Variants in TAFA5 observed in about 807,000 individuals in gnomAD.
TAFA5 encodes chemokine-like protein TAFA-5.
TAFA5 carries 6 observed loss-of-function variants against 15.3 expected under a neutral mutation model. The observed-to-expected ratio is 0.39, with a 90% CI of 0.21 to 0.77. The LOEUF (loss-of-function observed/expected upper bound fraction) is 0.77. TAFA5 is among the 30% of genes least tolerant of loss of function. The pLI is 0.41. For missense variants in TAFA5, 161 were observed against 193.1 expected (o/e 0.83, Z 0.98); for synonymous variants, 103 against 80.7 (o/e 1.28, Z -1.48).
intron 1 of TAFA5, among the ~76,000 whole-genome samples, chr22:48,541,768 G>A (rs1295176037): frequency 2.0e-5 from 3 of 152,194 alleles, no homozygotes; most frequent in Admixed American, 2.0e-4. Flanking sequence ...CTTGACCTCA[G>A]GGGTGGCAAG....
intron 1 of TAFA5, among the ~76,000 whole-genome samples, chr22:48,615,127 C>T (rs886259267): frequency 7.2e-5 from 11 of 152,226 alleles, no homozygotes; most frequent in South Asian, 4.1e-4. Flanking sequence ...CCACCATCCC[C>T]GTCCCTCCTG....
intron 2 of TAFA5, among the ~76,000 whole-genome samples, chr22:48,680,057 G>C (rs536988021): frequency 6.6e-6 from 1 of 152,182 alleles, no homozygotes; most frequent in African/African-American, 2.4e-5. Flanking sequence ...CGGTTCAACC[G>C]GCACCCACCC....
intron 1 of TAFA5, among the ~76,000 whole-genome samples, chr22:48,591,788 G>T (rs375242598): frequency 1.3e-5 from 2 of 152,222 alleles, no homozygotes; most frequent in South Asian, 4.2e-4. Context: ...GCGTGGCAGA[G>T]GGAGGAGGCA....
chr22:48,509,877 G>A (rs182869738), intron 1 of TAFA5, among the ~76,000 whole-genome samples: 1,689 of 151,804 alleles, frequency 0.011, 11 homozygotes, highest in Non-Finnish European at 0.018. Flanking sequence ...CGTGAACCCG[G>A]GAGGCGGAGC....
At chr22:48,576,293 C>A (rs1282731203) in intron 1 of TAFA5, 5 of 1,104,730 alleles carry the variant, frequency 4.5e-6, no homozygotes, top group South Asian at 4.5e-5. Flanking sequence ...CCGCTCCCCT[C>A]CCCCCTGCCC....
chr22:48,572,436 C>T (rs757262044), intron 1 of TAFA5, among the ~76,000 whole-genome samples: 15 of 152,218 alleles, frequency 9.9e-5, no homozygotes, highest in African/African-American at 2.9e-4. Flanking sequence ...CTGGTGCTGG[C>T]GGCTTGACCC....
At position 48,742,053 on chromosome 22, in the gene TAFA5, CTG is replaced by C. The variant is rs796314263; in HGVS notation, c.391-7785_391-7784del. The stretch of plus-strand genomic sequence containing the variant: ...CTATCCCGTGTTACAGACGGGGAAA[CTG>C]GGGCTCCCAGAGGCTCCAGCTGGGA... On this transcript the variant is annotated intron_variant, in intron 3 of 3. Transcript: ENST00000402357. This position sits in a 1 kb window ranked among gnomAD's most constrained non-coding sequence, Gnocchi z 6.2. 8.9e-4 allele frequency among the ~76,000 whole-genome samples: 136 copies of C among 152,310 alleles called. No homozygotes were observed. The highest frequency in any genetic ancestry group is 3.2e-3 in the African/African-American group (135 of 41,588).
chr22:48,660,114 T>A (rs1927383792), intron 2 of TAFA5, among the ~76,000 whole-genome samples: 1 of 152,086 alleles, frequency 6.6e-6, no homozygotes, highest in South Asian at 2.1e-4. Context: ...GGGGGCTGGG[T>A]ATTCTCTCAA....
intron 3 of TAFA5, among the ~76,000 whole-genome samples, chr22:48,716,046 A>G (rs1439196917): frequency 2.0e-5 from 3 of 152,220 alleles, no homozygotes; most frequent in Admixed American, 6.5e-5. Context: ...GTCGAAGATC[A>G]GATGGTTGTA....
intron 3 of TAFA5, among the ~76,000 whole-genome samples, chr22:48,743,705 C>G (rs1470012625): frequency 1.3e-5 from 2 of 152,220 alleles, no homozygotes; most frequent in Admixed American, 6.5e-5. Flanking sequence ...GCTGACGTCT[C>G]TGATGTCCAA....
intron 3 of TAFA5, among the ~76,000 whole-genome samples, chr22:48,740,660 G>A (rs1366277003): frequency 1.3e-5 from 2 of 152,210 alleles, no homozygotes; most frequent in African/African-American, 4.8e-5. Flanking sequence ...TCCAGAGAGA[G>A]CAGATGGGCT....
intron 3 of TAFA5, among the ~76,000 whole-genome samples, chr22:48,744,497 G>C (rs1455621834): frequency 6.6e-6 from 1 of 152,194 alleles, no homozygotes. Context: ...CGTGGGATTG[G>C]AGCCGGGTCC....
intron 1 of TAFA5, among the ~76,000 whole-genome samples, chr22:48,513,461 C>A (rs945722666): frequency 4.3e-4 from 64 of 149,360 alleles, no homozygotes; most frequent in African/African-American, 1.5e-3. Context: ...GCTCTAAGAG[C>A]CCCCCCAATA....
intron 3 of TAFA5, among the ~76,000 whole-genome samples, chr22:48,746,921 G>A (rs1183536770): frequency 2.0e-5 from 3 of 152,290 alleles, no homozygotes; most frequent in East Asian, 3.9e-4. Flanking sequence ...GATGGGTACC[G>A]GACCCCCATG....
chr22:48,743,717 C>T (rs1225439560), intron 3 of TAFA5, among the ~76,000 whole-genome samples: 2 of 152,240 alleles, frequency 1.3e-5, no homozygotes, highest in Admixed American at 1.3e-4. Flanking sequence ...GATGTCCAAT[C>T]TGCCAGCCCA....
intron 3 of TAFA5, among the ~76,000 whole-genome samples, chr22:48,747,544 C>T (rs998064771): frequency 6.6e-6 from 1 of 152,188 alleles, no homozygotes; most frequent in Non-Finnish European, 1.5e-5. Context: ...GGTCTTCACG[C>T]TGTCTTGCTG....
chr22:48,691,735 C>T (rs376837397), intron 2 of TAFA5, among the ~76,000 whole-genome samples: 1 of 152,228 alleles, frequency 6.6e-6, no homozygotes, highest in African/African-American at 2.4e-5. Context: ...GGAGGAAGGC[C>T]AGGTGTCTGG....
chr22:48,611,085 C>T (rs1043651075), intron 1 of TAFA5, among the ~76,000 whole-genome samples: 1 of 152,162 alleles, frequency 6.6e-6, no homozygotes, highest in Non-Finnish European at 1.5e-5. Context: ...AGGTGCGAAT[C>T]ACCACGCCCA....
chr22:48,553,876 T>C (rs149049531), intron 1 of TAFA5, among the ~76,000 whole-genome samples: 2,014 of 152,192 alleles, frequency 0.013, 30 homozygotes, highest in Non-Finnish European at 0.018. Flanking sequence ...TGTTTGATGC[T>C]CATTAGGTGA....
Sources: gnomAD v4.1 joint callset for allele counts (sites outside exome capture counted in the v4.1 genomes callset) on GRCh38, gnomAD v4.1.1 for gene constraint, Gnocchi (gnomAD v3.1) non-coding constraint, MANE v1.5 for transcripts, NCBI Gene and HGNC (gene_info 2026-07-23, HGNC 2026-07-21) for gene names.